Variants in PARVB observed in about 807,000 individuals in gnomAD.
The protein encoded by PARVB is parvin beta.
In PARVB, 46 loss-of-function variants were observed where a neutral mutation model predicts 47.0. The ratio of observed to expected loss-of-function variants is 0.98; its 90% CI spans 0.77 to 1.25. The LOEUF is 1.25. Ranked by LOEUF, PARVB falls within the 50% of genes most tolerant of loss-of-function variation. The pLI, the probability that PARVB is intolerant of heterozygous loss-of-function variation, is 0.00. For synonymous variants in PARVB, 196 were observed against 196.3 expected (o/e 1.00, Z 0.01); for missense variants, 473 against 471.6 (o/e 1.00, Z -0.03).
chr22:44,096,389 C>A (rs1368128727), intron 2 of PARVB, among the ~76,000 whole-genome samples: 2 of 152,124 alleles, frequency 1.3e-5, no homozygotes, highest in African/African-American at 4.8e-5. Flanking sequence ...CAGAGTGAGA[C>A]CTTGTCTCAA....
At chr22:44,128,557 G>T (rs1196843821) in intron 4 of PARVB, among the ~76,000 whole-genome samples, 1 of 152,232 alleles carries the variant, frequency 6.6e-6, no homozygotes, top group African/African-American at 2.4e-5. Context: ...CAGTCTCTTT[G>T]GTCTCTGTTG....
At chr22:44,079,060 G>A (rs1034723575) in intron 1 of PARVB, among the ~76,000 whole-genome samples, 1 of 152,190 alleles carries the variant, frequency 6.6e-6, no homozygotes, top group Non-Finnish European at 1.5e-5. Context: ...CTGCAGTAGA[G>A]AGAATGGTAG....
intron 3 of PARVB, among the ~76,000 whole-genome samples, chr22:44,117,735 C>T (rs1400616450): frequency 2.0e-5 from 3 of 152,190 alleles, no homozygotes; most frequent in Admixed American, 2.0e-4. Flanking sequence ...TTCAGAGTGA[C>T]AGGGGACGGT....
intron 4 of PARVB, among the ~76,000 whole-genome samples, chr22:44,127,276 A>G (rs1163386487): frequency 2.6e-5 from 4 of 152,120 alleles, no homozygotes; most frequent in African/African-American, 4.8e-5. Flanking sequence ...ACTGAAAAAA[A>G]GAACAGTGGA....
intron 1 of PARVB, chr22:44,069,266 C>A (rs1022405782): frequency 2.8e-5 from 29 of 1,027,778 alleles, no homozygotes; most frequent in Non-Finnish European, 3.7e-5. Context: ...CAAGAATGGA[C>A]CCTGGGTGGC....
rs147805209 is a variant in PARVB, at chr22:44,052,274, G to A, written c.112+27823G>A. 8.5e-3 allele frequency among the ~76,000 whole-genome samples: 1,301 copies of A among 152,256 alleles called. 26 individuals carry two copies. Among genetic ancestry groups the A allele is most frequent in the African/African-American group, 0.029 (1,219 of 41,536 alleles). On this transcript the variant is annotated intron_variant, in intron 1 of 12. Coordinates refer to ENST00000338758, the MANE Select transcript of PARVB (RefSeq NM_013327.5). ...AGCTGGAAGTGCAACATGAGAGTCCGTCACCCTGAGAGGCGGTGTGAATGC... is the reference window on the plus strand; with the variant it reads ...AGCTGGAAGTGCAACATGAGAGTCCATCACCCTGAGAGGCGGTGTGAATGC...
intron 1 of PARVB, among the ~76,000 whole-genome samples, chr22:44,060,583 C>T (rs1333226152): frequency 6.6e-6 from 1 of 151,928 alleles, no homozygotes; most frequent in African/African-American, 2.4e-5. Context: ...GGGTAAATGT[C>T]ATCTAGTAAC....
intron 3 of PARVB, chr22:44,115,820 C>G (rs1276505064): frequency 6.8e-6 from 1 of 147,350 alleles, no homozygotes; most frequent in Non-Finnish European, 1.5e-5. Flanking sequence ...TACATTGTTA[C>G]TAAGGCCCTA....
intron 1 of PARVB, among the ~76,000 whole-genome samples, chr22:44,025,579 G>A (rs1306412740): frequency 6.6e-6 from 1 of 152,182 alleles, no homozygotes; most frequent in Non-Finnish European, 1.5e-5. Flanking sequence ...CCTGTTCCAA[G>A]AGGGCAGGGT....
intron 2 of PARVB, among the ~76,000 whole-genome samples, chr22:44,012,625 A>C (rs2050534403): frequency 6.6e-6 from 1 of 152,150 alleles, no homozygotes; most frequent in Non-Finnish European, 1.5e-5. Context: ...ACCTGGGGGA[A>C]ATAAGGCATT....
chr22:44,139,056 C>G (rs889656789), intron 7 of PARVB: 4 of 152,272 alleles, frequency 2.6e-5, no homozygotes, highest in African/African-American at 7.2e-5. Context: ...TCACCACTCC[C>G]GTCTCCCCCA....
intron 12 of PARVB, among the ~76,000 whole-genome samples, 166 bp from the exon 13 acceptor site, chr22:44,168,436 G>A (rs1391165258): frequency 6.6e-6 from 1 of 152,146 alleles, no homozygotes; most frequent in Non-Finnish European, 1.5e-5. Context: ...TGTCTGGGGA[G>A]GCACTGCCCA....
intron 1 of PARVB, among the ~76,000 whole-genome samples, chr22:44,078,155 T>C (rs1469026938): frequency 6.6e-6 from 1 of 152,142 alleles, no homozygotes; most frequent in Non-Finnish European, 1.5e-5. Context: ...TCTGTTTGCA[T>C]CCTTAGCTCA....
chr22:44,027,585 C>T (rs2050751552), intron 1 of PARVB, among the ~76,000 whole-genome samples: 1 of 152,124 alleles, frequency 6.6e-6, no homozygotes, highest in Admixed American at 6.5e-5. Context: ...AGTTTCTATC[C>T]CCTGATTACC....
At chr22:44,024,281 C>T, upstream of PARVB, 1 of 961,008 alleles carries the variant, frequency 1.0e-6, no homozygotes, top group Non-Finnish European at 1.2e-6. Flanking sequence ...CGGCCTCTCC[C>T]CGGGGCGACC....
At chr22:44,032,863 TGGA>T (rs959888868) in intron 1 of PARVB, among the ~76,000 whole-genome samples, 3 of 152,154 alleles carry the variant, frequency 2.0e-5, no homozygotes, top group African/African-American at 7.2e-5. Context: ...CCAGTGTGTA[TGGA>T]GGGTTAGTTG....
chr22:44,055,985 G>T (rs569411179), intron 1 of PARVB, among the ~76,000 whole-genome samples: 11 of 152,330 alleles, frequency 7.2e-5, no homozygotes, highest in East Asian at 3.9e-4. Flanking sequence ...ATAATGGTTA[G>T]CCAAGCACCA....
chr22:44,027,298 G>T (rs2050747038), intron 1 of PARVB, among the ~76,000 whole-genome samples: 1 of 152,358 alleles, frequency 6.6e-6, no homozygotes, highest in African/African-American at 2.4e-5. Context: ...GAGAGGCCCT[G>T]TAGGTCCAGT....
In PARVB at chr22:44,049,840, C is replaced by A. The variant is rs1468487174; in HGVS notation, c.112+25389C>A. On this transcript the variant is annotated intron_variant, in intron 1 of 12. Coordinates refer to ENST00000338758, the MANE Select transcript of PARVB (RefSeq NM_013327.5). This position sits in a 1 kb window ranked among gnomAD's most constrained non-coding sequence, Gnocchi z 4.0. ...CACATGGAGTGAGTAGGTTTTATTG[C>A]CAAAGCCGTCCCGGCCTTGGCCTCA... Among the ~76,000 whole-genome samples, 1 of 152,264 alleles carries A rather than the reference C, an allele frequency of 6.6e-6. No individual in the cohort carries two copies. Among genetic ancestry groups the A allele is most frequent in the Non-Finnish European group, 1.5e-5 (1 of 68,054 alleles).
Sources: gnomAD v4.1 joint callset for allele counts (sites outside exome capture counted in the v4.1 genomes callset) on GRCh38, gnomAD v4.1.1 for gene constraint, Gnocchi (gnomAD v3.1) non-coding constraint, MANE v1.5 for transcripts, NCBI Gene and HGNC (gene_info 2026-07-23, HGNC 2026-07-21) for gene names.